DNAAF5: variants seen among roughly 807,000 people sequenced by gnomAD.
DNAAF5 encodes dynein axonemal assembly factor 5.
A neutral mutation model predicts 75.8 loss-of-function variants in DNAAF5; 64 were observed. The observed-to-expected ratio is 0.84, with a 90% CI of 0.69 to 1.04. The LOEUF (loss-of-function observed/expected upper bound fraction) is 1.04, where lower values mean the gene tolerates loss of function less well. Ranked by LOEUF, DNAAF5 falls within the 50% of genes least tolerant of loss-of-function variation. The pLI is 0.00. For missense variants in DNAAF5, 1,269 were observed against 1,178.5 expected, an observed-to-expected ratio of 1.08 and a Z score of -1.12; for synonymous variants, 657 against 557.2, an observed-to-expected ratio of 1.18 and a Z score of -2.52.
intron 11 of DNAAF5, among the ~76,000 whole-genome samples, chr7:779,238 C>T (rs1335162347): frequency 3.3e-5 from 5 of 152,210 alleles, no homozygotes; most frequent in African/African-American, 7.2e-5. Context: ...TGGTGCCAGG[C>T]GCGGGCAGCC....
At chr7:760,235 T>C (rs1267640493) in intron 6 of DNAAF5, among the ~76,000 whole-genome samples, 3 of 152,212 alleles carry the variant, frequency 2.0e-5, no homozygotes, top group Non-Finnish European at 4.4e-5. Context: ...TAGTCTTCCA[T>C]GATTTACGTC....
At position 761,549 on chromosome 7, in the gene DNAAF5, T is replaced by G. The variant is rs1212831174; in HGVS notation, c.1471-204T>G. ...CAGGCGAGAGAGTGTGCAGGGGAAC[T>G]GCCCTTTATACTAACATCAGATCTC... On this transcript the variant is annotated intron_variant, in intron 6 of 12. Transcript: ENST00000297440. Among the ~76,000 whole-genome samples, 7 of 152,242 alleles carry G rather than the reference T, an allele frequency of 4.6e-5. No homozygotes were observed. In the East Asian group the frequency reaches 1.3e-3, roughly 29 times the overall value.
intron 2 of DNAAF5, among the ~76,000 whole-genome samples, chr7:735,023 T>C (rs796302999): frequency 2.0e-5 from 3 of 151,866 alleles, no homozygotes; most frequent in South Asian, 2.1e-4. Context: ...GTGTAGTTCA[T>C]GGTGTAGCTG....
At chr7:773,638 T>C (rs1778648955) in intron 9 of DNAAF5, among the ~76,000 whole-genome samples, 2 of 152,038 alleles carry the variant, frequency 1.3e-5, no homozygotes, top group Admixed American at 6.6e-5. Context: ...GGCCTTTTTC[T>C]GGGGGAGGGA....
chr7:771,721 G>C (rs1778570829), intron 9 of DNAAF5: 1 of 152,088 alleles, frequency 6.6e-6, no homozygotes, highest in Admixed American at 6.6e-5. Context: ...TAACACAGCA[G>C]GGTCCAGGCC....
chr7:739,574 G>T (rs76815842), intron 2 of DNAAF5, among the ~76,000 whole-genome samples: 28 of 152,198 alleles, frequency 1.8e-4, no homozygotes, highest in Non-Finnish European at 5.9e-5. Flanking sequence ...GTCCCCTCGC[G>T]TGCTTCCCTG....
intron 8 of DNAAF5, among the ~76,000 whole-genome samples, chr7:769,743 C>T (rs1401989871): frequency 6.6e-6 from 1 of 152,154 alleles, no homozygotes; most frequent in Non-Finnish European, 1.5e-5. Context: ...CCGCAACTTC[C>T]GCCTCACGGG....
At chr7:764,020 G>A (rs773610293) in intron 8 of DNAAF5, 46 bp downstream of exon 8, 2 of 1,589,724 alleles carry the variant, frequency 1.3e-6, no homozygotes, top group Non-Finnish European at 8.5e-7. Context: ...CCCCACTCAG[G>A]CTACACACCT....
At chr7:781,354 C>T (rs1778933408) in intron 12 of DNAAF5, among the ~76,000 whole-genome samples, 2 of 152,214 alleles carry the variant, frequency 1.3e-5, no homozygotes, top group South Asian at 4.1e-4. Flanking sequence ...ATGACTGGAT[C>T]TCATTTCTTT....
chr7:758,604 A>G (rs1032488716), intron 6 of DNAAF5, among the ~76,000 whole-genome samples: 1 of 152,134 alleles, frequency 6.6e-6, no homozygotes, highest in African/African-American at 2.4e-5. Flanking sequence ...TTTTAGGTTG[A>G]TCCTCCCACC....
chr7:726,838 G>A lies in DNAAF5; in HGVS notation c.118G>A (p.Ala40Thr), dbSNP rs1781315789. ...GAGCCGCCTGCTGCCGGGGCTGGAGGCCGACAGCAAGCCGGGCCGGCGGCG... is the reference window on the plus strand; with the variant it reads ...GAGCCGCCTGCTGCCGGGGCTGGAGACCGACAGCAAGCCGGGCCGGCGGCG... ...ALSRLLPGLE[A>T]DSKPGRRRAL... Residue 40 changes from alanine to threonine, a missense_variant, in exon 1 of 13, where the codon GCC becomes ACC. Physicochemically the swap from Ala to Thr is moderately conservative, Grantham distance 58 (BLOSUM62 0). Transcript: ENST00000297440. 1.5e-6 allele frequency: 2 copies of A among 1,327,688 alleles called. No homozygotes were observed. The highest frequency in any genetic ancestry group is 1.9e-6 in the Non-Finnish European group (2 of 1,041,590). 82.2% of individuals were successfully genotyped at this position (1,327,688 alleles called of 1,614,324 possible). A position where few individuals can be genotyped will look rare whatever the true frequency, so the allele number is the denominator to read the frequency against.
chr7:775,217 C>T (rs1778721397), intron 11 of DNAAF5, 55 bp downstream of exon 11: 3 of 1,559,540 alleles, frequency 1.9e-6, no homozygotes, highest in Admixed American at 3.4e-5. Context: ...CCTCCGTGTC[C>T]CTGGGTTCCG....
At chr7:741,603 C>A in intron 4 of DNAAF5, 138 bp downstream of exon 4, 1 of 612,050 alleles carries the variant, frequency 1.6e-6, no homozygotes. Flanking sequence ...AGGCGTCTCC[C>A]CACTGGGCTG....
chr7:750,144 T>C (rs1782245946), intron 4 of DNAAF5, among the ~76,000 whole-genome samples: 1 of 152,258 alleles, frequency 6.6e-6, no homozygotes, highest in Non-Finnish European at 1.5e-5. Flanking sequence ...CTCCTTTTTC[T>C]GTGTTTGGAA....
In DNAAF5 at chr7:726,782, C is replaced by T. The variant is rs1276884019; in HGVS notation, c.62C>T (p.Thr21Met). 3.9e-6 allele frequency: 5 copies of T among 1,275,980 alleles called. No homozygotes were observed. Among genetic ancestry groups the T allele is most frequent in the Non-Finnish European group, 4.9e-6 (5 of 1,013,310 alleles). The allele number at this position is 1,275,980 out of a possible 1,614,324, so 79.0% of individuals were successfully genotyped here. The change falls in exon 1 of 13, where the codon ACG becomes ATG. Residue 21 changes from threonine to methionine, a missense_variant. By Grantham distance (81) the Thr-to-Met change is moderately conservative. Coordinates refer to ENST00000297440, the MANE Select transcript of DNAAF5 (RefSeq NM_017802.4). ...AAPHPAEGAE[T>M]AEAVELSRAL... ...CCACACCCGGCTGAGGGGGCCGAGA[C>T]GGCTGAGGCGGTGGAGCTGAGCCGC...
chr7:729,592 C>G, intron 1 of DNAAF5, 71 bp from the exon 2 acceptor site: 1 of 1,487,594 alleles, frequency 6.7e-7, no homozygotes, highest in South Asian at 1.2e-5. Flanking sequence ...CAGCCGTCCT[C>G]TGGAAGCCCA....
intron 12 of DNAAF5, among the ~76,000 whole-genome samples, chr7:784,721 A>G (rs1779095074): frequency 2.0e-5 from 3 of 152,136 alleles, no homozygotes; most frequent in Non-Finnish European, 4.4e-5. Context: ...GTTTGCAGTC[A>G]CTGCGGCAGG....
intron 12 of DNAAF5, among the ~76,000 whole-genome samples, chr7:784,058 G>T (rs1779070981): frequency 6.6e-6 from 1 of 150,548 alleles, no homozygotes; most frequent in Admixed American, 6.6e-5. Context: ...CATCCGCCTG[G>T]CAGCAGGCTC....
At chr7:763,192 C>T (rs993869093) in intron 7 of DNAAF5, among the ~76,000 whole-genome samples, 3 of 152,194 alleles carry the variant, frequency 2.0e-5, no homozygotes, top group South Asian at 2.1e-4. Context: ...GATGCTGTCA[C>T]TGTTAGGGCC....
Sources: allele counts gnomAD v4.1 joint callset (sites outside exome capture counted in the v4.1 genomes callset), GRCh38; gene constraint gnomAD v4.1.1; transcripts MANE v1.5; gene names NCBI Gene and HGNC (gene_info 2026-07-23, HGNC 2026-07-21).